ASXL3: variants seen among roughly 807,000 people sequenced by gnomAD.
ASXL3 encodes the protein ASXL transcriptional regulator 3.
ASXL3 carries 34 observed loss-of-function variants against 170.6 expected under a neutral mutation model. The ratio of observed to expected loss-of-function variants is 0.20; its 90% confidence interval spans 0.15 to 0.27. ASXL3 has a LOEUF of 0.27. ASXL3 is among the 10% of genes least tolerant of loss of function. The pLI, the probability that ASXL3 is intolerant of heterozygous loss-of-function variation, is 1.00. For synonymous variants in ASXL3, 1,002 were observed against 989.1 expected (o/e 1.01, Z -0.24); for missense variants, 2,592 against 2,695.3 (o/e 0.96, Z 0.85).
intron 8 of ASXL3, among the ~76,000 whole-genome samples, chr18:33,689,160 T>A (rs1414722409): frequency 6.6e-6 from 1 of 152,054 alleles, no homozygotes; most frequent in African/African-American, 2.4e-5. Flanking sequence ...ATCTGGCTAA[T>A]TTTTTATATT....
chr18:33,665,452 G>A (rs1046423255), intron 5 of ASXL3, among the ~76,000 whole-genome samples: 1 of 152,196 alleles, frequency 6.6e-6, no homozygotes, highest in African/African-American at 2.4e-5. Flanking sequence ...GTTGGTGCCT[G>A]AAACAGCCCG....
intron 8 of ASXL3, among the ~76,000 whole-genome samples, chr18:33,694,469 A>G (rs1317091529): frequency 6.6e-6 from 1 of 151,972 alleles, no homozygotes; most frequent in African/African-American, 2.4e-5. Flanking sequence ...GGTTGTTGTC[A>G]TTTCTGTCAT....
At chr18:33,691,549 T>C (rs1432190912) in intron 8 of ASXL3, among the ~76,000 whole-genome samples, 1 of 152,188 alleles carries the variant, frequency 6.6e-6, no homozygotes, top group African/African-American at 2.4e-5. Flanking sequence ...CCAAAACATA[T>C]TTAATGCCTA....
chr18:33,633,593 C>G (rs2065715626), intron 2 of ASXL3, among the ~76,000 whole-genome samples: 1 of 151,990 alleles, frequency 6.6e-6, no homozygotes, highest in African/African-American at 2.4e-5. Flanking sequence ...CCTGTAATCC[C>G]AGCATTTTGG....
chr18:33,655,969 C>T (rs1332593616), intron 4 of ASXL3, among the ~76,000 whole-genome samples: 1 of 151,868 alleles, frequency 6.6e-6, no homozygotes, highest in Non-Finnish European at 1.5e-5. Context: ...TTTAAAAATT[C>T]TTATGGCCTC....
In ASXL3 at chr18:33,589,651, T is replaced by C. The variant is rs9945357; in HGVS notation, c.54+10966T>C. 1.2e-3 allele frequency among the ~76,000 whole-genome samples: 187 copies of C among 152,330 alleles called. 1 individual carries two copies. The highest frequency in any genetic ancestry group is 4.3e-3 in the African/African-American group (179 of 41,574). ...TGTTTGCAAAGTAAATAATCTCCTT[T>C]ATATGTGCTAGTAAACTATTCTTAA... On this transcript the variant is annotated intron_variant, in intron 1 of 11. Coordinates refer to ENST00000269197, the MANE Select transcript of ASXL3 (RefSeq NM_030632.3).
At chr18:33,704,935 C>A (rs2066933086) in intron 8 of ASXL3, among the ~76,000 whole-genome samples, 1 of 151,764 alleles carries the variant, frequency 6.6e-6, no homozygotes. Flanking sequence ...GTGTTACTTT[C>A]TGTCATCTGT....
intron 1 of ASXL3, among the ~76,000 whole-genome samples, chr18:33,603,336 G>A (rs2065204774): frequency 6.6e-6 from 1 of 151,940 alleles, no homozygotes; most frequent in African/African-American, 2.4e-5. Context: ...ATAGAAAATT[G>A]CATTCTTAAC....
chr18:33,649,923 G>T (rs1221006857), intron 4 of ASXL3, among the ~76,000 whole-genome samples: 2 of 152,074 alleles, frequency 1.3e-5, no homozygotes, highest in Non-Finnish European at 2.9e-5. Context: ...TAGGTTTCAG[G>T]CTATCAAGAG....
intron 8 of ASXL3, among the ~76,000 whole-genome samples, chr18:33,688,560 T>C (rs2066635003): frequency 6.6e-6 from 1 of 152,148 alleles, no homozygotes; most frequent in Non-Finnish European, 1.5e-5. Flanking sequence ...GAAGTATATG[T>C]ATTTGTGGAG....
chr18:33,617,341 A>G (rs2065441254), intron 2 of ASXL3, among the ~76,000 whole-genome samples: 1 of 151,998 alleles, frequency 6.6e-6, no homozygotes, highest in Non-Finnish European at 1.5e-5. Context: ...AAATACAAAA[A>G]TTTGCATGAA....
chr18:33,741,438 G>GA (rs1386512451), intron 11 of ASXL3, among the ~76,000 whole-genome samples: 1 of 151,818 alleles, frequency 6.6e-6, no homozygotes, highest in Non-Finnish European at 1.5e-5. Context: ...GCACTGATGT[G>GA]AAAAAAAGGT....
In ASXL3 at chr18:33,578,479, GCCGCCGCCGCCGCCGCCGCCA is replaced by G. The variant is rs1466562115; in HGVS notation, c.-147_-127del. 3 of 196,276 alleles carry G rather than the reference GCCGCCGCCGCCGCCGCCGCCA, an allele frequency of 1.5e-5. No individual in the cohort carries two copies. The highest frequency in any genetic ancestry group is 5.8e-5 in the African/African-American group (2 of 34,256). 12.2% of individuals were successfully genotyped at this position (196,276 alleles called of 1,614,324 possible). A position where few individuals can be genotyped will look rare whatever the true frequency, so the allele number is the denominator to read the frequency against. ...CCCACCCGCCGCCGCCGCCGCCGCC[GCCGCCGCCGCCGCCGCCGCCA>G]CCGCCCGCGCGCCTCCCCCCGCGGA... On this transcript the variant is annotated 5_prime_UTR_variant, in exon 1 of 12. Transcript: ENST00000269197.
chr18:33,617,802 G>A (rs186190552), intron 2 of ASXL3, among the ~76,000 whole-genome samples: 2 of 152,124 alleles, frequency 1.3e-5, no homozygotes, highest in East Asian at 1.9e-4. Flanking sequence ...AAATATTTCA[G>A]TGCAGAAATA....
In ASXL3 at chr18:33,742,964, C is replaced by T; in HGVS notation, c.3116C>T (p.Thr1039Ile). 6.2e-7 allele frequency: 1 copy of T among 1,613,934 alleles called. No homozygotes were observed. The change falls in exon 12 of 12, where the codon ACT becomes ATT. Residue 1039 changes from threonine to isoleucine, a missense_variant. By Grantham distance (89) the Thr-to-Ile change is moderately conservative. Coordinates refer to ENST00000269197, the MANE Select transcript of ASXL3 (RefSeq NM_030632.3). Reference sequence around the variant, plus strand: ...TCCAAACCTGAGTCTCGAGCATCCACTAGCACATCTGTCAGTGGCGGGAGG... The same window carrying T: ...TCCAAACCTGAGTCTCGAGCATCCATTAGCACATCTGTCAGTGGCGGGAGG... ...PVSKPESRAS[T>I]STSVSGGRNT...
chr18:33,724,203 T>A (rs888963537), intron 8 of ASXL3, among the ~76,000 whole-genome samples: 4 of 152,138 alleles, frequency 2.6e-5, no homozygotes, highest in African/African-American at 7.2e-5. Context: ...GAGTCTTGAT[T>A]ACAGCATTAT....
chr18:33,666,288 C>T (rs2066254761), intron 5 of ASXL3, among the ~76,000 whole-genome samples: 1 of 152,150 alleles, frequency 6.6e-6, no homozygotes, highest in South Asian at 2.1e-4. Flanking sequence ...TTATATCCCC[C>T]CCTGAAATGA....
chr18:33,741,451 A>C lies in ASXL3; in HGVS notation c.3039+1008A>C, dbSNP rs1178390549. Among the ~76,000 whole-genome samples, 4 of 152,180 alleles carry C rather than the reference A, an allele frequency of 2.6e-5. No individual in the cohort carries two copies. In the East Asian group the frequency reaches 7.7e-4, roughly 29 times the overall value. On this transcript the variant is annotated intron_variant, in intron 11 of 11. Coordinates refer to ENST00000269197, the MANE Select transcript of ASXL3 (RefSeq NM_030632.3). Reference sequence around the variant, plus strand: ...AAGCACTGATGTGAAAAAAAGGTAAATACTACAAGAATATTTGATGTTTGG... The same window carrying C: ...AAGCACTGATGTGAAAAAAAGGTAACTACTACAAGAATATTTGATGTTTGG...
At chr18:33,711,994 C>T (rs1318349962) in intron 8 of ASXL3, among the ~76,000 whole-genome samples, 1 of 152,040 alleles carries the variant, frequency 6.6e-6, no homozygotes, top group Non-Finnish European at 1.5e-5. Flanking sequence ...TGTACTCCTC[C>T]AATTTCTGGT....
Sources: gnomAD v4.1 joint callset for allele counts (sites outside exome capture counted in the v4.1 genomes callset) on GRCh38, gnomAD v4.1.1 for gene constraint, MANE v1.5 for transcripts, NCBI Gene and HGNC (gene_info 2026-07-23, HGNC 2026-07-21) for gene names.